Variants in GLT8D2 observed in about 807,000 individuals in gnomAD.
GLT8D2 encodes glycosyltransferase 8 domain-containing protein 2.
In GLT8D2, 45 loss-of-function variants were observed where a neutral mutation model predicts 44.5. That is an observed-to-expected ratio of 1.01 (90% CI 0.80 to 1.30). GLT8D2 has a LOEUF of 1.30. Among genes scored for constraint, GLT8D2 ranks in the 50% most tolerant of loss-of-function variants. The pLI is 0.00. For synonymous variants in GLT8D2, 156 were observed against 157.2 expected, an observed-to-expected ratio of 0.99 and a Z score of 0.06; for missense variants, 400 against 430.4, an observed-to-expected ratio of 0.93 and a Z score of 0.62.
At chr12:103,992,493 T>C (rs937200426) in intron 10 of GLT8D2, among the ~76,000 whole-genome samples, 36 of 138,064 alleles carry the variant, frequency 2.6e-4, no homozygotes, top group African/African-American at 3.8e-4. Context: ...CTCTCTCTCT[T>C]TTTTTTTTTT....
At chr12:104,016,809 A>AGG (rs1876830671) in intron 3 of GLT8D2, among the ~76,000 whole-genome samples, 19 of 129,674 alleles carry the variant, frequency 1.5e-4, no homozygotes, top group African/African-American at 4.6e-4. Context: ...GAAGGAAGGA[A>AGG]AGAAAGAAAG....
rs201449269 is a variant in GLT8D2, at chr12:104,043,279, A to AT, written c.-164+6615dup. Among the ~76,000 whole-genome samples the AT allele has an allele frequency of 2.6e-5, 4 of 152,180 alleles. No individual in the cohort carries two copies. The East Asian group carries it at 7.7e-4, about 29-fold the overall frequency. On this transcript the variant is annotated intron_variant, in intron 1 of 10. Coordinates refer to ENST00000360814, the MANE Select transcript of GLT8D2 (RefSeq NM_001384711.1). ...ATCCTGACTCATGGCTTTAAATATA[A>AT]TTTATATGCTGAAAACTCCCAAATT... is the stretch of plus-strand genomic sequence containing the variant.
intron 1 of GLT8D2, among the ~76,000 whole-genome samples, chr12:104,047,387 C>A (rs1471126329): frequency 1.3e-5 from 2 of 150,522 alleles, no homozygotes; most frequent in Non-Finnish European, 3.0e-5. Context: ...TCACCACAAC[C>A]TCCACCTCCT....
chr12:104,008,504 G>A (rs1173578716), intron 4 of GLT8D2, among the ~76,000 whole-genome samples: 1 of 152,116 alleles, frequency 6.6e-6, no homozygotes, highest in Non-Finnish European at 1.5e-5. Flanking sequence ...TTTTATAAGG[G>A]AAGCAGAGCA....
chr12:104,014,044 G>A (rs938691422), intron 4 of GLT8D2, among the ~76,000 whole-genome samples: 1 of 152,258 alleles, frequency 6.6e-6, no homozygotes, highest in Admixed American at 6.5e-5. Flanking sequence ...TCGCCAGCCC[G>A]TAAGTGTGTA....
At chr12:104,016,668 G>A (rs551525166) in intron 3 of GLT8D2, among the ~76,000 whole-genome samples, 9 of 107,616 alleles carry the variant, frequency 8.4e-5, no homozygotes, top group Admixed American at 6.7e-4. Flanking sequence ...GAAAGAAAGA[G>A]AGAGAGAGAG....
intron 5 of GLT8D2, among the ~76,000 whole-genome samples, chr12:104,001,373 T>C (rs1380476708): frequency 6.6e-6 from 1 of 152,238 alleles, no homozygotes; most frequent in East Asian, 1.9e-4. Flanking sequence ...TGTACTAGAA[T>C]TTTTGTAGCA....
chr12:104,059,493 T>C (rs1566218379), intron 1 of GLT8D2, among the ~76,000 whole-genome samples: 1 of 152,166 alleles, frequency 6.6e-6, no homozygotes, highest in Non-Finnish European at 1.5e-5. Flanking sequence ...GCTTCCCTCC[T>C]CTAGAACACA....
At chr12:104,036,613 T>G (rs1027215275) in intron 1 of GLT8D2, among the ~76,000 whole-genome samples, 2 of 152,176 alleles carry the variant, frequency 1.3e-5, no homozygotes, top group Non-Finnish European at 2.9e-5. Context: ...AAGAGCTAAC[T>G]TTCCTAAGTA....
chr12:104,056,798 A>T (rs1232076948), intron 1 of GLT8D2, among the ~76,000 whole-genome samples: 1 of 152,240 alleles, frequency 6.6e-6, no homozygotes, highest in East Asian at 1.9e-4. Context: ...ATGGTCAGTG[A>T]CCACAGCACA....
intron 4 of GLT8D2, among the ~76,000 whole-genome samples, chr12:104,011,496 C>T (rs1875820580): frequency 6.6e-6 from 1 of 152,256 alleles, no homozygotes; most frequent in African/African-American, 2.4e-5. Context: ...CCAAGTGTAT[C>T]AGCTTACCTC....
Position 104,011,339 on chromosome 12 carries a change from T to C in GLT8D2, c.112+3674A>G, listed in dbSNP as rs565943900. 3.3e-4 allele frequency among the ~76,000 whole-genome samples: 50 copies of C among 152,364 alleles called. No individual in the cohort carries two copies. In the South Asian group the frequency reaches 3.7e-3, roughly 11 times the overall value. On this transcript the variant is annotated intron_variant, in intron 4 of 10. Coordinates refer to ENST00000360814, the MANE Select transcript of GLT8D2 (RefSeq NM_001384711.1). ...CTAACAAAAATAGTAAACATCACAA[T>C]GCTGGCAGAATGGAACAGAAATGAT...
intron 5 of GLT8D2, among the ~76,000 whole-genome samples, chr12:104,001,715 A>G (rs1874244193): frequency 6.6e-6 from 1 of 150,464 alleles, no homozygotes; most frequent in South Asian, 2.1e-4. Context: ...ATTATTTTTT[A>G]TTTTTGGAGA....
At chr12:104,035,553 G>A (rs1879837378) in intron 1 of GLT8D2, among the ~76,000 whole-genome samples, 1 of 152,202 alleles carries the variant, frequency 6.6e-6, no homozygotes. Context: ...TCGATCAGGT[G>A]GAAGAAAGGG....
At chr12:104,016,859 A>AAAGG (rs1876896802) in intron 3 of GLT8D2, among the ~76,000 whole-genome samples, 1 of 151,016 alleles carries the variant, frequency 6.6e-6, no homozygotes, top group South Asian at 2.1e-4. Context: ...AGAAAGAAAG[A>AAAGG]AAGAAAGAAA....
intron 4 of GLT8D2, among the ~76,000 whole-genome samples, chr12:104,008,349 G>A (rs1875361586): frequency 6.6e-6 from 1 of 152,148 alleles, no homozygotes; most frequent in African/African-American, 2.4e-5. Flanking sequence ...TTATGTTTTA[G>A]CAAAAAGACC....
chr12:104,034,598 A>AC (rs1384918553), intron 1 of GLT8D2, among the ~76,000 whole-genome samples: 1 of 152,240 alleles, frequency 6.6e-6, no homozygotes, highest in Admixed American at 6.5e-5. Context: ...AAGGGCGTCC[A>AC]CCATTGCTGA....
intron 9 of GLT8D2, among the ~76,000 whole-genome samples, 199 bp from the exon 10 acceptor site, chr12:103,993,703 A>G (rs558684597): frequency 2.1e-4 from 32 of 152,352 alleles, no homozygotes; most frequent in Admixed American, 2.0e-3. Context: ...ACTCCTATAT[A>G]CATCACCTAG....
intron 4 of GLT8D2, among the ~76,000 whole-genome samples, chr12:104,010,216 C>T (rs994769702): frequency 3.3e-5 from 5 of 152,036 alleles, no homozygotes; most frequent in African/African-American, 1.2e-4. Context: ...CACACAAGAC[C>T]CCTCATGATC....
Sources: gnomAD v4.1 joint callset for allele counts (sites outside exome capture counted in the v4.1 genomes callset) on GRCh38, gnomAD v4.1.1 for gene constraint, MANE v1.5 for transcripts, NCBI Gene and HGNC (gene_info 2026-07-23, HGNC 2026-07-21) for gene names.